DERPC: variants seen among roughly 807,000 people sequenced by gnomAD.
DERPC encodes DERPC proline and glycine rich nuclear protein.
DERPC carries 1 observed loss-of-function variant against 7.2 expected under a neutral mutation model. The observed-to-expected ratio is 0.14, with a 90% CI of 0.05 to 0.66. The LOEUF (loss-of-function observed/expected upper bound fraction) is 0.66, where lower values mean the gene tolerates loss of function less well. Ranked by LOEUF, DERPC falls within the 30% of genes least tolerant of loss-of-function variation. The probability of loss-of-function intolerance (pLI) is 0.84; values close to 1 mark genes in which losing one functional copy is unlikely to be tolerated. For synonymous variants in DERPC, 185 were observed against 117.6 expected (o/e 1.57, Z -3.71); for missense variants, 502 against 299.4 (o/e 1.68, Z -4.99).
At chr16:69,125,749 T>C (rs1326127196) in intron 1 of DERPC, among the ~76,000 whole-genome samples, 1 of 152,246 alleles carries the variant, frequency 6.6e-6, no homozygotes, top group Non-Finnish European at 1.5e-5. Context: ...TTATAAGGTT[T>C]CTTGAAGAAG....
intron 1 of DERPC, among the ~76,000 whole-genome samples, chr16:69,122,375 T>C (rs1413431364): frequency 2.0e-5 from 3 of 151,886 alleles, no homozygotes; most frequent in African/African-American, 7.3e-5. Flanking sequence ...CTTTTTTTTT[T>C]TTTTTTCTTT....
At position 69,120,182 on chromosome 16, in the gene DERPC, G is replaced by C. The variant is rs1961527214; in HGVS notation, c.247C>G (p.Pro83Ala). ...PASSGSLASN[P>A]APFPAGARDP... Reference sequence around the variant, plus strand: ...CGAGCACCAGCCGGGAAAGGTGCTGGATTTGAAGCCAATGAGCCTGATGAA... The same window carrying C: ...CGAGCACCAGCCGGGAAAGGTGCTGCATTTGAAGCCAATGAGCCTGATGAA... Residue 83 changes from proline (P) to alanine (A), a missense_variant, in exon 3 of 3, where the codon CCA becomes GCA. Physicochemically the swap from Pro to Ala is conservative, Grantham distance 27. Transcript: ENST00000519520. This position sits in a 1 kb window ranked among gnomAD's most constrained non-coding sequence, Gnocchi z 4.0. The C allele has an allele frequency of 2.8e-6, 2 of 701,830 alleles. No homozygotes were observed. The highest frequency in any genetic ancestry group is 3.3e-4 in the Middle Eastern group (1 of 3,054). 43.5% of individuals were successfully genotyped at this position (701,830 alleles called of 1,614,324 possible). A position where few individuals can be genotyped will look rare whatever the true frequency, so the allele number is the denominator to read the frequency against.
In DERPC at chr16:69,118,720, G is replaced by T. The variant is rs996353940; in HGVS notation, c.*134C>A. On this transcript the variant is annotated 3_prime_UTR_variant, in exon 3 of 3. Coordinates refer to ENST00000519520, the MANE Select transcript of DERPC (RefSeq NM_001002847.4). Reference sequence around the variant, plus strand: ...AGTCAAGAAAAACGCAAAGGAAAAAGATGGCTCATTTGAACTTGAGCCCAA... The same window carrying T: ...AGTCAAGAAAAACGCAAAGGAAAAATATGGCTCATTTGAACTTGAGCCCAA... The T allele has an allele frequency of 3.1e-6, 2 of 645,012 alleles. No homozygotes were observed. Among genetic ancestry groups the T allele is most frequent in the African/African-American group, 1.8e-5 (1 of 55,116 alleles). 40.0% of individuals were successfully genotyped at this position (645,012 alleles called of 1,614,324 possible). A position where few individuals can be genotyped will look rare whatever the true frequency, so the allele number is the denominator to read the frequency against.
In DERPC at chr16:69,118,145, AT is replaced by A; in HGVS notation, c.*708del. 2 of 287,946 alleles carry A rather than the reference AT, an allele frequency of 6.9e-6. No individual in the cohort carries two copies. Among genetic ancestry groups the A allele is most frequent in the East Asian group, 6.5e-5 (1 of 15,328 alleles). 17.8% of individuals were successfully genotyped at this position (287,946 alleles called of 1,614,324 possible). On this transcript the variant is annotated 3_prime_UTR_variant, in exon 3 of 3. Transcript: ENST00000519520. ...ATCCCCCACCCCCACCCTAATTCCC[AT>A]ATTCCCATCCACATCAGTTTAAATT...
At chr16:69,121,191 G>A (rs1961627513) in intron 2 of DERPC, 1 of 1,603,136 alleles carries the variant, frequency 6.2e-7, no homozygotes, top group African/African-American at 1.3e-5. Context: ...AGGGCTGGCG[G>A]TTACAATATT....
At position 69,120,992 on chromosome 16, in the gene DERPC, C is replaced by T; in HGVS notation, c.-221-343G>A. 1 of 1,412,810 alleles carries T rather than the reference C, an allele frequency of 7.1e-7. No homozygotes were observed. The highest frequency in any genetic ancestry group is 1.0e-6 in the Non-Finnish European group (1 of 996,130). The allele number at this position is 1,412,810 out of a possible 1,614,324, so 87.5% of individuals were successfully genotyped here. The stretch of plus-strand genomic sequence containing the variant: ...CAGTCCTCACTCTGGGTCCTGGGAG[C>T]ACCACCTTGGTGTAGCTTGCTTTCC... On this transcript the variant is annotated intron_variant, in intron 2 of 2. Coordinates refer to ENST00000519520, the MANE Select transcript of DERPC (RefSeq NM_001002847.4). This position sits in a 1 kb window ranked among gnomAD's most constrained non-coding sequence, Gnocchi z 4.0.
chr16:69,127,590 T>C (rs1962162113), intron 1 of DERPC, among the ~76,000 whole-genome samples: 1 of 147,026 alleles, frequency 6.8e-6, no homozygotes, highest in Admixed American at 6.8e-5. Flanking sequence ...GTGGAAGAGC[T>C]CTCCCGGCAA....
chr16:69,123,878 A>C (rs1304837230), intron 1 of DERPC, among the ~76,000 whole-genome samples: 1 of 148,918 alleles, frequency 6.7e-6, no homozygotes, highest in South Asian at 2.1e-4. Flanking sequence ...ACCTGAGGTC[A>C]GGAGTTTGAG....
chr16:69,127,473 T>A (rs1249817767), intron 1 of DERPC, among the ~76,000 whole-genome samples: 2 of 152,162 alleles, frequency 1.3e-5, no homozygotes, highest in East Asian at 3.8e-4. Flanking sequence ...TCTAGTTGTT[T>A]GTTCTAAGAT....
At position 69,118,460 on chromosome 16, in the gene DERPC, T is replaced by G. The variant is rs376562006; in HGVS notation, c.*394A>C. 2 of 1,584,230 alleles carry G rather than the reference T, an allele frequency of 1.3e-6. No homozygotes were observed. Among genetic ancestry groups the G allele is most frequent in the South Asian group, 1.1e-5 (1 of 90,496 alleles). ...CCAACGCCACGTTTCTAGAGAGCAG[T>G]GAGCTGATTCTCCAATGGTGAGCAG... is the stretch of plus-strand genomic sequence containing the variant. On this transcript the variant is annotated 3_prime_UTR_variant, in exon 3 of 3. Transcript: ENST00000519520.
intron 2 of DERPC, chr16:69,121,187 G>A: frequency 6.2e-7 from 1 of 1,605,188 alleles, no homozygotes; most frequent in Non-Finnish European, 8.5e-7. Context: ...GCAAAGGGCT[G>A]GCGGTTACAA....
At chr16:69,127,099 G>A (rs1168099248) in intron 1 of DERPC, among the ~76,000 whole-genome samples, 3 of 152,098 alleles carry the variant, frequency 2.0e-5, no homozygotes, top group Non-Finnish European at 2.9e-5. Flanking sequence ...TTAGCCGCGC[G>A]TGGTGGCGGG....
chr16:69,120,296 C>T lies in DERPC; in HGVS notation c.133G>A (p.Gly45Ser). The change falls in exon 3 of 3, where the codon GGT (glycine) becomes AGT (serine). Residue 45 changes from glycine (G) to serine (S), a missense_variant. Physicochemically the swap from Gly to Ser is moderately conservative, Grantham distance 56 (BLOSUM62 0). Coordinates refer to ENST00000519520, the MANE Select transcript of DERPC (RefSeq NM_001002847.4). This position sits in a 1 kb window ranked among gnomAD's most constrained non-coding sequence, Gnocchi z 4.0. Reference sequence around the variant, plus strand: ...ATAAGGAAGGGATCCGAGTTCACACCCAGTGGGTGGCCTGTGTTCAGAACA... The same window carrying T: ...ATAAGGAAGGGATCCGAGTTCACACTCAGTGGGTGGCCTGTGTTCAGAACA... Reference protein sequence around the residue: ...GPVLNTGHPLGVNSDPFLMAA... With the variant: ...GPVLNTGHPLSVNSDPFLMAA... 1 of 851,810 alleles carries T rather than the reference C, an allele frequency of 1.2e-6. No homozygotes were observed. The highest frequency in any genetic ancestry group is 1.4e-5 in the South Asian group (1 of 71,888). The allele number at this position is 851,810 out of a possible 1,614,324, so 52.8% of individuals were successfully genotyped here.
At position 69,118,166 on chromosome 16, in the gene DERPC, T is replaced by C. The variant is rs564160374; in HGVS notation, c.*688A>G. 7 of 532,436 alleles carry C rather than the reference T, an allele frequency of 1.3e-5. No individual in the cohort carries two copies. The highest frequency in any genetic ancestry group is 2.4e-5 in the Non-Finnish European group (7 of 295,222). 33.0% of individuals were successfully genotyped at this position (532,436 alleles called of 1,614,324 possible). A position where few individuals can be genotyped will look rare whatever the true frequency, so the allele number is the denominator to read the frequency against. On this transcript the variant is annotated 3_prime_UTR_variant, in exon 3 of 3. Transcript: ENST00000519520. ...TCCCATATTCCCATCCACATCAGTT[T>C]AAATTTTGAGGTTCTTTGATTGATT...
chr16:69,121,355 C>A (rs911158090), intron 2 of DERPC, 81 bp downstream of exon 2: 27 of 1,347,046 alleles, frequency 2.0e-5, no homozygotes, highest in South Asian at 3.9e-5. Context: ...ACCTAAGGAC[C>A]CTGATTCTTC....
intron 1 of DERPC, among the ~76,000 whole-genome samples, chr16:69,129,539 T>C (rs890094735): frequency 5.9e-5 from 9 of 152,050 alleles, no homozygotes; most frequent in Admixed American, 1.3e-4. Flanking sequence ...CTTATCTGTA[T>C]CCTCTTATTT....
At chr16:69,123,276 TTAAGA>T (rs1961815533) in intron 1 of DERPC, among the ~76,000 whole-genome samples, 1 of 152,196 alleles carries the variant, frequency 6.6e-6, no homozygotes, top group Non-Finnish European at 1.5e-5. Flanking sequence ...ATGGAGTTTC[TTAAGA>T]TTTTACTTTT....
intron 1 of DERPC, among the ~76,000 whole-genome samples, chr16:69,131,896 C>T (rs1254937175): frequency 6.6e-6 from 1 of 151,892 alleles, no homozygotes; most frequent in Non-Finnish European, 1.5e-5. Context: ...CTTCCAATTA[C>T]CTCTCCCAGA....
chr16:69,124,217 T>C (rs912180848), intron 1 of DERPC, among the ~76,000 whole-genome samples: 1 of 152,166 alleles, frequency 6.6e-6, no homozygotes, highest in Non-Finnish European at 1.5e-5. Context: ...CTAAAGACAA[T>C]TGGCTTCACT....
Sources: gnomAD v4.1 joint callset for allele counts (sites outside exome capture counted in the v4.1 genomes callset) on GRCh38, gnomAD v4.1.1 for gene constraint, Gnocchi (gnomAD v3.1) non-coding constraint, MANE v1.5 for transcripts, NCBI Gene and HGNC (gene_info 2026-07-23, HGNC 2026-07-21) for gene names.